RYR2: variants seen among roughly 807,000 people sequenced by gnomAD.
RYR2 encodes the protein ryanodine receptor 2, also known as cardiac muscle ryanodine receptor-calcium release channel.
In RYR2, 227 loss-of-function variants were observed where a neutral mutation model predicts 601.1. That is an observed-to-expected ratio of 0.38 (90% CI 0.34 to 0.42). The LOEUF is 0.42. Among genes scored for constraint, RYR2 ranks in the 10% least tolerant of loss-of-function variants. The pLI is 1.00. For synonymous variants in RYR2, 2,223 were observed against 2,175.1 expected, an observed-to-expected ratio of 1.02 and a Z score of -0.61; for missense variants, 4,646 against 6,156.5, an observed-to-expected ratio of 0.75 and a Z score of 8.21.
Position 237,828,421 on chromosome 1 carries a change from G to A in RYR2, c.14631G>A (p.Gln4877=). 6.4e-7 allele frequency: 1 copy of A among 1,567,038 alleles called. No homozygotes were observed. The highest frequency in any genetic ancestry group is 8.7e-7 in the Non-Finnish European group (1 of 1,153,630). Residue 4877 remains glutamine (Q), a synonymous_variant, in exon 102 of 105, where the codon CAG becomes CAA. Transcript: ENST00000366574. ...IDAFGELRDQ[Q]EQVKEDMETK... is the part of the protein sequence containing the mutation. The stretch of plus-strand genomic sequence containing the variant: ...CTTTTGGAGAACTAAGAGACCAACA[G>A]GAACAAGTCAAAGAAGACATGGAGG...
intron 24 of RYR2, 56 bp downstream of exon 24, chr1:237,511,847 A>AAC: frequency 2.0e-6 from 2 of 1,014,066 alleles, no homozygotes; most frequent in South Asian, 1.8e-5. Flanking sequence ...AAAAAAAAAA[A>AAC]AAAAAAAAAA....
At chr1:237,370,427 A>G (rs1700544530) in intron 6 of RYR2, among the ~76,000 whole-genome samples, 1 of 152,088 alleles carries the variant, frequency 6.6e-6, no homozygotes, top group Admixed American at 6.5e-5. Context: ...ATATCGAAAG[A>G]AAAAAATATT....
intron 24 of RYR2, among the ~76,000 whole-genome samples, chr1:237,520,406 A>G (rs573354424): frequency 1.6e-4 from 25 of 152,234 alleles, no homozygotes; most frequent in African/African-American, 5.5e-4. Flanking sequence ...AAAGTTTTCA[A>G]CTTTCCCCAT....
intron 2 of RYR2, among the ~76,000 whole-genome samples, chr1:237,315,407 T>C (rs1695014044): frequency 6.6e-6 from 1 of 152,064 alleles, no homozygotes; most frequent in African/African-American, 2.4e-5. Flanking sequence ...TCTTGAAAAA[T>C]CATATCTACA....
At position 237,784,120 on chromosome 1, in the gene RYR2, C is replaced by T. The variant is rs1294331175; in HGVS notation, c.12408C>T (p.Ile4136=). 4.3e-6 allele frequency: 7 copies of T among 1,613,962 alleles called. No homozygotes were observed. The highest frequency in any genetic ancestry group is 5.9e-6 in the Non-Finnish European group (7 of 1,179,884). ...ATTTCCAGCCCTTTCTGGGCCGCAT[C>T]GAAATCATGGGAAGCGCCAAACGCA... ...LNYFQPFLGR[I]EIMGSAKRIE... Residue 4136 remains isoleucine (I), a synonymous_variant, in exon 90 of 105, where the codon ATC becomes ATT. Transcript: ENST00000366574. This position sits in a 1 kb window ranked among gnomAD's most constrained non-coding sequence, Gnocchi z 7.1.
At chr1:237,443,799 A>G (rs529662877) in intron 13 of RYR2, among the ~76,000 whole-genome samples, 3 of 152,294 alleles carry the variant, frequency 2.0e-5, no homozygotes, top group Non-Finnish European at 4.4e-5. Context: ...ATACGGAAAC[A>G]GGTGATGTGC....
chr1:237,571,371 A>G (rs186958894), intron 29 of RYR2, among the ~76,000 whole-genome samples: 78 of 146,808 alleles, frequency 5.3e-4, no homozygotes, highest in African/African-American at 1.9e-3. Flanking sequence ...CTGGAGTGCA[A>G]TGGCGCGATC....
chr1:237,723,591 T>G (rs2149127143), intron 74 of RYR2, among the ~76,000 whole-genome samples: 1 of 152,292 alleles, frequency 6.6e-6, no homozygotes, highest in Admixed American at 6.5e-5. Context: ...TCAAATACTT[T>G]ATGCATACTT....
chr1:237,314,030 A>C (rs1034229262), intron 2 of RYR2, among the ~76,000 whole-genome samples: 1 of 150,392 alleles, frequency 6.6e-6, no homozygotes, highest in African/African-American at 2.4e-5. Flanking sequence ...TCAGCAAAAA[A>C]AAAAAAAAAG....
intron 1 of RYR2, among the ~76,000 whole-genome samples, chr1:237,160,666 T>C (rs1675908167): frequency 6.6e-6 from 1 of 152,080 alleles, no homozygotes; most frequent in African/African-American, 2.4e-5. Flanking sequence ...CAGCCTTTCA[T>C]TGATCTTTAT....
At chr1:237,245,049 TA>T (rs67784248) in intron 1 of RYR2, among the ~76,000 whole-genome samples, 37,671 of 149,718 alleles carry the variant, frequency 0.25, 4,734 homozygotes, top group East Asian at 0.29. Flanking sequence ...CTCTAAAAAA[TA>T]AAAAAAAAAT....
intron 1 of RYR2, among the ~76,000 whole-genome samples, chr1:237,082,500 G>A (rs1056708324): frequency 8.3e-6 from 1 of 120,608 alleles, no homozygotes; most frequent in East Asian, 2.4e-4. Flanking sequence ...AAACCCCTGT[G>A]TTATATTCTT....
chr1:237,149,015 T>C (rs1413380049), intron 1 of RYR2, among the ~76,000 whole-genome samples: 2 of 152,198 alleles, frequency 1.3e-5, no homozygotes, highest in East Asian at 1.9e-4. Flanking sequence ...TTCCTCTGAA[T>C]GAATTTTCCT....
At chr1:237,620,809 C>T (rs1208469632) in intron 38 of RYR2, among the ~76,000 whole-genome samples, 1 of 151,772 alleles carries the variant, frequency 6.6e-6, no homozygotes, top group Non-Finnish European at 1.5e-5. Context: ...GAGAAATAGA[C>T]AAATCCAAAA....
intron 3 of RYR2, among the ~76,000 whole-genome samples, chr1:237,339,437 T>C (rs1182716789): frequency 2.6e-5 from 4 of 152,110 alleles, no homozygotes; most frequent in Admixed American, 2.6e-4. Flanking sequence ...GTTTTATTTT[T>C]ATAACAGTAA....
At chr1:237,394,755 C>A (rs1275798353) in intron 10 of RYR2, among the ~76,000 whole-genome samples, 3 of 152,154 alleles carry the variant, frequency 2.0e-5, no homozygotes, top group Non-Finnish European at 4.4e-5. Flanking sequence ...CTGCCACTAT[C>A]TTTCTGGAAC....
At position 237,591,820 on chromosome 1, in the gene RYR2, G is replaced by A. The variant is rs371748225; in HGVS notation, c.4242G>A (p.Arg1414=). ...RLTEDVLADD[R]DDYDFLMQTS... is the part of the protein sequence containing the mutation. ...CCGAAGATGTCCTTGCTGATGATCG[G>A]GATGACTATGATTTCTTGATGCAAA... is the stretch of plus-strand genomic sequence containing the variant. The change falls in exon 32 of 105, where the codon CGG becomes CGA. Residue 1414 remains arginine, a synonymous_variant. Transcript: ENST00000366574. 7 of 1,613,420 alleles carry A rather than the reference G, an allele frequency of 4.3e-6. No individual in the cohort carries two copies. In the African/African-American group the frequency reaches 5.3e-5, roughly 12 times the overall value.
Position 237,678,103 on chromosome 1 carries a change from C to A in RYR2, c.8886C>A (p.Phe2962Leu), listed in dbSNP as rs372703473. 2 of 1,585,468 alleles carry A rather than the reference C, an allele frequency of 1.3e-6. No individual in the cohort carries two copies. The highest frequency in any genetic ancestry group is 2.2e-5 in the East Asian group (1 of 44,706). ...TCCCTTATGAACAAGAAATCAAGTT[C>A]TTTGCAAAAGTACAGTATACAATCT... The part of the protein sequence containing the change: ...EHFPYEQEIK[F>L]FAKVVLPLID... Residue 2962 changes from phenylalanine to leucine, a missense_variant, in exon 61 of 105, where the codon TTC (phenylalanine) becomes TTA (leucine). Phe to Leu is a conservative substitution (Grantham distance 22). Around this residue, in one of 17 missense-constraint regions of RYR2, gnomAD observed 1,497 missense variants for 1,842.6 expected, o/e 0.81. Coordinates refer to ENST00000366574, the MANE Select transcript of RYR2 (RefSeq NM_001035.3).
At chr1:237,058,886 G>A (rs1188468452) in intron 1 of RYR2, among the ~76,000 whole-genome samples, 1 of 151,048 alleles carries the variant, frequency 6.6e-6, no homozygotes, top group Admixed American at 6.6e-5. Flanking sequence ...ACTGTAGAGT[G>A]ATAAAAAAAA....
Sources: allele counts gnomAD v4.1 joint callset (sites outside exome capture counted in the v4.1 genomes callset), GRCh38; gene constraint gnomAD v4.1.1; regional missense constraint gnomAD v4.1.1; non-coding constraint Gnocchi (gnomAD v3.1); transcripts MANE v1.5; gene names NCBI Gene and HGNC (gene_info 2026-07-23, HGNC 2026-07-21).